MTOR: variants seen among roughly 807,000 people sequenced by gnomAD.
MTOR encodes the protein serine/threonine-protein kinase mTOR.
Under a neutral mutation model 319.8 loss-of-function variants are expected in MTOR, and 70 were observed. That is an observed-to-expected ratio of 0.22 (90% CI 0.18 to 0.27). The LOEUF (loss-of-function observed/expected upper bound fraction) is 0.27. Among genes scored for constraint, MTOR ranks in the 10% least tolerant of loss-of-function variants. The pLI is 1.00. For synonymous variants in MTOR, 1,183 were observed against 1,211.4 expected, an observed-to-expected ratio of 0.98 and a Z score of 0.49; for missense variants, 1,890 against 3,274.4, an observed-to-expected ratio of 0.58 and a Z score of 10.32.
intron 36 of MTOR, 93 bp downstream of exon 36, chr1:11,139,211 T>C: frequency 6.7e-7 from 1 of 1,493,062 alleles, no homozygotes; most frequent in Non-Finnish European, 9.0e-7. Context: ...GTTTAAACAC[T>C]GTTTCTTTTC....
At chr1:11,252,025 CACAT>C (rs1466662314) in intron 6 of MTOR, among the ~76,000 whole-genome samples, 8 of 152,276 alleles carry the variant, frequency 5.3e-5, no homozygotes, top group Middle Eastern at 3.4e-3. Context: ...ACACTTCACA[CACAT>C]AGTCATCCCC....
chr1:11,249,407 C>CTTTA (rs139501937), intron 6 of MTOR, among the ~76,000 whole-genome samples: 302 of 150,828 alleles, frequency 2.0e-3, no homozygotes, highest in South Asian at 9.0e-3. Context: ...AACACTCCAT[C>CTTTA]TTTATTTATT....
At position 11,107,151 on chromosome 1, in the gene MTOR, C is replaced by T. The variant is rs1332876525; in HGVS notation, c.*334G>A. 1.7e-5 allele frequency: 24 copies of T among 1,385,268 alleles called. No individual in the cohort carries two copies. The highest frequency in any genetic ancestry group is 2.0e-5 in the Non-Finnish European group (21 of 1,049,392). 85.8% of individuals were successfully genotyped at this position (1,385,268 alleles called of 1,614,324 possible). On this transcript the variant is annotated 3_prime_UTR_variant, in exon 58 of 58. Transcript: ENST00000361445. ...TAGGTCATTCTTCCATCAGCAAGTA[C>T]TTATGATGAGTTCTCTTGTGAGTTA...
chr1:11,239,177 C>G (rs1044800494), intron 11 of MTOR, among the ~76,000 whole-genome samples: 1 of 152,104 alleles, frequency 6.6e-6, no homozygotes, highest in Non-Finnish European at 1.5e-5. Flanking sequence ...TCCCCCAATC[C>G]TAGCCTTTTT....
chr1:11,121,303 A>G lies in MTOR; in HGVS notation c.6876T>C (p.Asn2292=). The change falls in exon 49 of 58, where the codon AAT becomes AAC. Residue 2292 remains asparagine, a synonymous_variant. Coordinates refer to ENST00000361445, the MANE Select transcript of MTOR (RefSeq NM_004958.4). The surrounding 1 kb of genome is among the most constrained non-coding windows in gnomAD (Gnocchi z 4.9). Reference sequence around the variant, plus strand: ...TGGCCAGGTCGTCCCCAGCTGTATTATTGACGGCATGCTCAAACACCTCCA... The same window carrying G: ...TGGCCAGGTCGTCCCCAGCTGTATTGTTGACGGCATGCTCAAACACCTCCA... The part of the protein sequence containing the change: ...QKVEVFEHAV[N]NTAGDDLAKL... The G allele has an allele frequency of 6.2e-7, 1 of 1,614,144 alleles. No homozygotes were observed. The highest frequency in any genetic ancestry group is 8.5e-7 in the Non-Finnish European group (1 of 1,180,038).
At chr1:11,196,531 CAG>C (rs922526929) in intron 28 of MTOR, among the ~76,000 whole-genome samples, 5 of 152,128 alleles carry the variant, frequency 3.3e-5, no homozygotes, top group African/African-American at 1.2e-4. Context: ...ATACTGTCAA[CAG>C]AACACAGTTT....
chr1:11,182,821 A>G (rs1645201309), intron 28 of MTOR, among the ~76,000 whole-genome samples: 1 of 152,238 alleles, frequency 6.6e-6, no homozygotes, highest in Admixed American at 6.5e-5. Flanking sequence ...CTATTGCTGA[A>G]CAGTATTTCA....
chr1:11,118,954 C>G (rs1642346754), intron 49 of MTOR, among the ~76,000 whole-genome samples: 1 of 151,932 alleles, frequency 6.6e-6, no homozygotes, highest in South Asian at 2.1e-4. Flanking sequence ...TGTGCAACAG[C>G]CTTGAACTCC....
chr1:11,117,322 A>C (rs1464248527), intron 49 of MTOR, among the ~76,000 whole-genome samples: 1 of 152,012 alleles, frequency 6.6e-6, no homozygotes, highest in Non-Finnish European at 1.5e-5. Flanking sequence ...CACCATGCCC[A>C]GCTTATTTTT....
At chr1:11,114,544 A>C in intron 52 of MTOR, 91 bp from the exon 53 acceptor site, 1 of 1,550,702 alleles carries the variant, frequency 6.4e-7, no homozygotes, top group Non-Finnish European at 8.8e-7. Context: ...CTTAGGAAGC[A>C]GACACAGGCC....
chr1:11,192,430 A>T, intron 28 of MTOR: 1 of 1,375,800 alleles, frequency 7.3e-7, no homozygotes, highest in South Asian at 1.2e-5. Context: ...CCTCAAGGGG[A>T]CTACAACAAC....
intron 23 of MTOR, among the ~76,000 whole-genome samples, chr1:11,211,415 G>C (rs1423143960): frequency 6.6e-6 from 1 of 152,212 alleles, no homozygotes; most frequent in Admixed American, 6.5e-5. Context: ...GCCCAGGCTG[G>C]AGTGCAATGG....
intron 7 of MTOR, 21 bp from the exon 8 acceptor site, chr1:11,247,754 G>A (rs776416341): frequency 8.1e-6 from 13 of 1,613,930 alleles, no homozygotes; most frequent in African/African-American, 5.3e-5. Context: ...AAGGATAAAG[G>A]GTTGGCAGGG....
chr1:11,193,664 T>G (rs755991132), intron 28 of MTOR: 7 of 1,614,118 alleles, frequency 4.3e-6, no homozygotes, highest in Non-Finnish European at 5.9e-6. Flanking sequence ...CTACCGGGAC[T>G]GGAAGCAGTA....
chr1:11,133,062 T>C lies in MTOR; in HGVS notation c.5364+18A>G, dbSNP rs769684027. ...CAGCCAGGGTGCTGGGTCTCACAGG[T>C]GGCCTGCTTCTGATCACCTTGTACC... On this transcript the variant is annotated intron_variant, in intron 38 of 57. Coordinates refer to ENST00000361445, the MANE Select transcript of MTOR (RefSeq NM_004958.4). The surrounding 1 kb of genome is among the most constrained non-coding windows in gnomAD (Gnocchi z 4.0). 1.2e-6 allele frequency: 2 copies of C among 1,609,888 alleles called. No individual in the cohort carries two copies. Among genetic ancestry groups the C allele is most frequent in the Non-Finnish European group, 1.7e-6 (2 of 1,176,632 alleles).
At chr1:11,130,826 C>T (rs1422140518) in intron 38 of MTOR, 49 bp from the exon 39 acceptor site, 2 of 1,537,882 alleles carry the variant, frequency 1.3e-6, no homozygotes, top group Non-Finnish European at 1.8e-6. Context: ...TGACCAACAG[C>T]AGGGCTCAGA....
intron 25 of MTOR, among the ~76,000 whole-genome samples, chr1:11,206,764 A>G (rs1646150906): frequency 6.6e-6 from 1 of 152,056 alleles, no homozygotes; most frequent in African/African-American, 2.4e-5. Context: ...CTTGCCATCC[A>G]CCCACTGCTG....
chr1:11,238,658 G>A (rs1339279720), intron 11 of MTOR, 41 bp from the exon 12 acceptor site: 5 of 1,535,310 alleles, frequency 3.3e-6, no homozygotes, highest in Non-Finnish European at 4.4e-6. Flanking sequence ...AAACACTGCT[G>A]CTGTAGACAG....
chr1:11,235,843 G>A (rs759097150), intron 13 of MTOR, among the ~76,000 whole-genome samples: 1 of 151,984 alleles, frequency 6.6e-6, no homozygotes, highest in Non-Finnish European at 1.5e-5. Context: ...TTAGCTGGGC[G>A]TGGTGGCGGG....
Sources: gnomAD v4.1 joint callset for allele counts (sites outside exome capture counted in the v4.1 genomes callset) on GRCh38, gnomAD v4.1.1 for gene constraint, Gnocchi (gnomAD v3.1) non-coding constraint, MANE v1.5 for transcripts, NCBI Gene and HGNC (gene_info 2026-07-23, HGNC 2026-07-21) for gene names.